Variants in SHISA9 observed in about 807,000 individuals in gnomAD.
The protein encoded by SHISA9 is shisa family member 9.
A neutral mutation model predicts 38.0 loss-of-function variants in SHISA9; 13 were observed. The ratio of observed to expected loss-of-function variants is 0.34; its 90% CI spans 0.22 to 0.54. SHISA9 has a LOEUF of 0.54. SHISA9 is among the 20% of genes least tolerant of loss of function. The probability of loss-of-function intolerance (pLI) is 0.91; values close to 1 mark genes in which losing one functional copy is unlikely to be tolerated. For missense variants in SHISA9, 538 were observed against 575.8 expected, an observed-to-expected ratio of 0.93 and a Z score of 0.67; for synonymous variants, 275 against 242.0, an observed-to-expected ratio of 1.14 and a Z score of -1.27.
the SHISA9 span, among the ~76,000 whole-genome samples, chr16:13,370,812 C>G: frequency 4.6e-4 from 70 of 152,106 alleles, no homozygotes; most frequent in Non-Finnish European, 9.3e-4. Context: ...GGACTCTAGT[C>G]TGAAAGAGAG....
At chr16:13,405,752 A>C in the SHISA9 span, among the ~76,000 whole-genome samples, 1 of 152,112 alleles carries the variant, frequency 6.6e-6, no homozygotes, top group Admixed American at 6.5e-5. Context: ...GTTTTAATGC[A>C]CTTAGGATAA....
intron 4 of SHISA9, 101 bp downstream of exon 4, chr16:13,213,401 C>T (rs1043409937): frequency 3.6e-6 from 4 of 1,103,078 alleles, no homozygotes; most frequent in South Asian, 2.8e-5. Flanking sequence ...GACCTGTGCA[C>T]ATGTGTGTCT....
the SHISA9 span, among the ~76,000 whole-genome samples, chr16:13,436,745 A>T: frequency 6.6e-6 from 1 of 151,582 alleles, no homozygotes; most frequent in Admixed American, 6.6e-5. Flanking sequence ...ACCTGTTACT[A>T]TAGTGACACA....
intron 2 of SHISA9, among the ~76,000 whole-genome samples, chr16:13,136,460 G>A (rs1366259985): frequency 7.7e-6 from 1 of 129,082 alleles, no homozygotes; most frequent in East Asian, 2.4e-4. Flanking sequence ...ATGCAATGGT[G>A]TAATCTCGAC....
At chr16:13,333,736 C>A in the SHISA9 span, among the ~76,000 whole-genome samples, 1 of 152,092 alleles carries the variant, frequency 6.6e-6, no homozygotes, top group African/African-American at 2.4e-5. Flanking sequence ...ATATCTGGAA[C>A]GTAAACTACC....
intron 2 of SHISA9, among the ~76,000 whole-genome samples, chr16:12,981,622 G>A (rs761985903): frequency 2.0e-4 from 30 of 152,148 alleles, no homozygotes; most frequent in Non-Finnish European, 2.9e-4. Flanking sequence ...TGGCCATCTC[G>A]ATTTTTAATC....
At chr16:13,034,244 G>A (rs1425592152) in intron 2 of SHISA9, among the ~76,000 whole-genome samples, 1 of 152,072 alleles carries the variant, frequency 6.6e-6, no homozygotes, top group Non-Finnish European at 1.5e-5. Flanking sequence ...AGCTCATTTA[G>A]TAGGATAGAG....
chr16:13,302,118 A>T, the SHISA9 span, among the ~76,000 whole-genome samples: 2 of 152,176 alleles, frequency 1.3e-5, no homozygotes, highest in African/African-American at 4.8e-5. Flanking sequence ...ATCACATTAT[A>T]GGACATAGAT....
chr16:13,383,677 G>A, the SHISA9 span, among the ~76,000 whole-genome samples: 9 of 152,124 alleles, frequency 5.9e-5, no homozygotes, highest in Non-Finnish European at 1.0e-4. Context: ...TTGAGACAGA[G>A]TCTTGCTCTG....
At chr16:12,951,572 T>C (rs1483044244) in intron 2 of SHISA9, among the ~76,000 whole-genome samples, 1 of 152,018 alleles carries the variant, frequency 6.6e-6, no homozygotes, top group Non-Finnish European at 1.5e-5. Context: ...ACCTCTGCTG[T>C]AGAAAAAAAA....
At chr16:13,418,454 C>G in the SHISA9 span, among the ~76,000 whole-genome samples, 108,906 of 152,036 alleles carry the variant, frequency 0.72, 39,195 homozygotes, top group East Asian at 0.81. Context: ...ACCGCATATG[C>G]AAGAGAACTA....
intron 3 of SHISA9, among the ~76,000 whole-genome samples, chr16:13,211,582 C>T (rs1374369176): frequency 6.6e-6 from 1 of 152,202 alleles, no homozygotes; most frequent in African/African-American, 2.4e-5. Flanking sequence ...GAGCATTTTT[C>T]ACCCTCAAAG....
chr16:13,426,589 C>T, the SHISA9 span, among the ~76,000 whole-genome samples: 8 of 152,092 alleles, frequency 5.3e-5, no homozygotes, highest in Admixed American at 2.6e-4. Context: ...TAAAGTACTT[C>T]TATTGATCGT....
chr16:13,205,514 G>T (rs2051055464), intron 3 of SHISA9, among the ~76,000 whole-genome samples: 1 of 152,158 alleles, frequency 6.6e-6, no homozygotes. Flanking sequence ...TGGCTCTACT[G>T]CTTACCATCT....
chr16:13,325,401 G>A, the SHISA9 span, among the ~76,000 whole-genome samples: 7 of 152,310 alleles, frequency 4.6e-5, no homozygotes, highest in Non-Finnish European at 1.0e-4. Flanking sequence ...AAGGTATTAT[G>A]AGGCATGTCT....
chr16:13,461,529 A>G, the SHISA9 span, among the ~76,000 whole-genome samples: 83 of 150,748 alleles, frequency 5.5e-4, no homozygotes, highest in Non-Finnish European at 1.0e-3. Context: ...TAGCGAGCCG[A>G]GACTGTGCCA....
chr16:13,213,842 C>T (rs1290256060), intron 4 of SHISA9, among the ~76,000 whole-genome samples: 1 of 152,180 alleles, frequency 6.6e-6, no homozygotes, highest in Non-Finnish European at 1.5e-5. Flanking sequence ...GTGACCAGAC[C>T]AGGTGGCAGC....
At chr16:13,082,366 C>T (rs2073660718) in intron 2 of SHISA9, 1 of 152,150 alleles carries the variant, frequency 6.6e-6, no homozygotes, top group South Asian at 2.1e-4. Context: ...GAGTTCCTCT[C>T]TCTTTGCCTT....
chr16:12,947,891 G>A (rs574563443), intron 2 of SHISA9, among the ~76,000 whole-genome samples: 9 of 152,282 alleles, frequency 5.9e-5, no homozygotes, highest in African/African-American at 1.2e-4. Flanking sequence ...CAAAATTGCC[G>A]GTTGTGGGTT....
Sources: gnomAD v4.1 joint callset for allele counts (sites outside exome capture counted in the v4.1 genomes callset) on GRCh38, gnomAD v4.1.1 for gene constraint, MANE v1.5 for transcripts, NCBI Gene and HGNC (gene_info 2026-07-23, HGNC 2026-07-21) for gene names.